The following MGA variants were observed in gnomAD, a reference collection of about 807,000 sequenced individuals.
MGA encodes MAX dimerization protein MGA, also known as MAX gene-associated protein.
In MGA, 40 loss-of-function variants were observed where a neutral mutation model predicts 261.1. That is an observed-to-expected ratio of 0.15 (90% CI 0.12 to 0.20). The LOEUF is 0.20. Among genes scored for constraint, MGA ranks in the 10% least tolerant of loss-of-function variants. MGA has a pLI of 1.00. For missense variants in MGA, 3,397 were observed against 3,630.5 expected (o/e 0.94, Z 1.65); for synonymous variants, 1,302 against 1,290.6 (o/e 1.01, Z -0.19).
intron 1 of MGA, among the ~76,000 whole-genome samples, chr15:41,642,263 T>C (rs1046885318): frequency 6.6e-6 from 1 of 152,056 alleles, no homozygotes; most frequent in African/African-American, 2.4e-5. Context: ...GAAATGTCTG[T>C]TCAAGTCCCT....
rs1323047023 is a variant in MGA at position 41,766,767 on chromosome 15, C to A, written c.8685C>A (p.Asp2895Glu). Residue 2895 changes from aspartate to glutamate, a missense_variant, in exon 24 of 24, where the codon GAC becomes GAA. Around this residue, in one of 9 missense-constraint regions of MGA, gnomAD observed 647 missense variants for 642.4 expected, o/e 1.01. Transcript: ENST00000219905. ...TGCCTGATGTTCAAGGGGAGAGTGA[C>A]TCTATCAGTCCCCTCCTCTTGCACT... 1 of 1,613,976 alleles carries A rather than the reference C, an allele frequency of 6.2e-7. No homozygotes were observed. Among genetic ancestry groups the A allele is most frequent in the Admixed American group, 1.7e-5 (1 of 60,016 alleles).
chr15:41,769,225 G>A lies in MGA; in HGVS notation c.*1945G>A, dbSNP rs2063940174. ...TCCCAAGACTCTCTTTGTGGCTTTT[G>A]AGGGTCAGCCAAGGAGCAGGCAAGT... On this transcript the variant is annotated 3_prime_UTR_variant, in exon 24 of 24. Coordinates refer to ENST00000219905, the MANE Select transcript of MGA (RefSeq NM_001164273.2). 6.6e-6 allele frequency: 1 copy of A among 151,822 alleles called. No individual in the cohort carries two copies. Among genetic ancestry groups the A allele is most frequent in the South Asian group, 2.1e-4 (1 of 4,798 alleles). 9.4% of individuals were successfully genotyped at this position (151,822 alleles called of 1,614,324 possible). A position where few individuals can be genotyped will look rare whatever the true frequency, so the allele number is the denominator to read the frequency against.
upstream of MGA, among the ~76,000 whole-genome samples, chr15:41,656,019 T>C (rs866646775): frequency 6.6e-6 from 1 of 152,160 alleles, no homozygotes; most frequent in African/African-American, 2.4e-5. Flanking sequence ...TGATCAGCAC[T>C]GGAATAGAGT....
chr15:41,722,121 AATT>A (rs1337604010), intron 9 of MGA, among the ~76,000 whole-genome samples: 9,274 of 121,596 alleles, frequency 0.076, 171 homozygotes, highest in Non-Finnish European at 0.11. Context: ...AAAGTAGGCC[AATT>A]TTTTTTTTTT....
intron 2 of MGA, among the ~76,000 whole-genome samples, chr15:41,675,209 C>G (rs557855235): frequency 2.0e-5 from 3 of 152,284 alleles, no homozygotes; most frequent in African/African-American, 7.2e-5. Flanking sequence ...GTAGACACTG[C>G]CAGAATTTTC....
At chr15:41,707,659 A>G in intron 5 of MGA, 69 bp from the exon 6 acceptor site, 1 of 1,446,822 alleles carries the variant, frequency 6.9e-7, no homozygotes, top group Non-Finnish European at 9.3e-7. Flanking sequence ...GCACAAGTTA[A>G]AAACAAAGAA....
intron 9 of MGA, 109 bp downstream of exon 9, chr15:41,713,605 C>CT: frequency 1.6e-6 from 2 of 1,267,122 alleles, no homozygotes; most frequent in Middle Eastern, 2.8e-4. Context: ...CCAATAAGAG[C>CT]TTTGAGACTT....
chr15:41,709,395 G>C (rs1476830345), intron 7 of MGA, among the ~76,000 whole-genome samples: 2 of 151,906 alleles, frequency 1.3e-5, no homozygotes, highest in Non-Finnish European at 2.9e-5. Flanking sequence ...CTCTTCTTGT[G>C]GTCTTCCTTT....
chr15:41,757,934 T>G, intron 19 of MGA, 95 bp downstream of exon 19: 1 of 1,049,214 alleles, frequency 9.5e-7, no homozygotes, highest in Admixed American at 2.1e-5. Context: ...TAGCCACGAT[T>G]TTTTCTCAGG....
chr15:41,747,089 A>G (rs1205101581), intron 15 of MGA, among the ~76,000 whole-genome samples: 1 of 151,998 alleles, frequency 6.6e-6, no homozygotes, highest in Non-Finnish European at 1.5e-5. Flanking sequence ...TGAAATCTCT[A>G]TTAATTCACA....
intron 1 of MGA, among the ~76,000 whole-genome samples, chr15:41,662,961 T>G (rs1298022034): frequency 6.6e-6 from 1 of 152,210 alleles, no homozygotes; most frequent in East Asian, 1.9e-4. Context: ...TGGTATTGAC[T>G]TGGAATTTTG....
At chr15:41,646,601 G>C (rs1373742569) in intron 1 of MGA, among the ~76,000 whole-genome samples, 4 of 151,934 alleles carry the variant, frequency 2.6e-5, no homozygotes, top group Non-Finnish European at 4.4e-5. Context: ...GGGATTACAG[G>C]TGTGAGCCAC....
At chr15:41,736,820 C>A in intron 13 of MGA, 122 bp downstream of exon 13, 2 of 1,130,212 alleles carry the variant, frequency 1.8e-6, no homozygotes, top group East Asian at 5.3e-5. Flanking sequence ...AACTGGGTGA[C>A]AAAATTATTA....
chr15:41,635,242 G>A (rs1193611481), intron 1 of MGA, among the ~76,000 whole-genome samples: 1 of 152,136 alleles, frequency 6.6e-6, no homozygotes, highest in Admixed American at 6.6e-5. Context: ...GCTGAGGCAC[G>A]AGAATTGCCT....
At position 41,742,655 on chromosome 15, in the gene MGA, A is replaced by C; in HGVS notation, c.4695A>C (p.Thr1565=). The change falls in exon 15 of 24, where the codon ACA becomes ACC. Residue 1565 remains threonine (T), a synonymous_variant. Coordinates refer to ENST00000219905, the MANE Select transcript of MGA (RefSeq NM_001164273.2). ...GCACACCCCAAACCCTGGCAGGGAC[A>C]CAGAAGTTCAGTATCAGACCTTCTC... 1 of 1,613,974 alleles carries C rather than the reference A, an allele frequency of 6.2e-7. No homozygotes were observed. The highest frequency in any genetic ancestry group is 8.5e-7 in the Non-Finnish European group (1 of 1,179,878).
intron 8 of MGA, 144 bp from the exon 9 acceptor site, chr15:41,713,006 TC>T: frequency 8.2e-7 from 1 of 1,218,674 alleles, no homozygotes; most frequent in Middle Eastern, 2.7e-4. Context: ...CTGGTTAGAT[TC>T]ATGTTCTGTC....
chr15:41,756,238 C>A (rs2063142028), intron 18 of MGA, among the ~76,000 whole-genome samples: 1 of 152,030 alleles, frequency 6.6e-6, no homozygotes, highest in Non-Finnish European at 1.5e-5. Flanking sequence ...AAAAAGATGA[C>A]CCAGTAGAAA....
rs537855106 is a variant in MGA, at chr15:41,704,220, T to G, written c.2189-3508T>G. ...AATGCTTTATTTTTCCTTAAAATAT[T>G]TTTTTTTAGAGATGGGGTCTCCCAG... On this transcript the variant is annotated intron_variant, in intron 5 of 23. Coordinates refer to ENST00000219905, the MANE Select transcript of MGA (RefSeq NM_001164273.2). Among the ~76,000 whole-genome samples the G allele has an allele frequency of 9.3e-4, 142 of 151,966 alleles. 1 individual carries two copies. Among genetic ancestry groups the G allele is most frequent in the Middle Eastern group, 3.4e-3 (1 of 294 alleles).
intron 1 of MGA, among the ~76,000 whole-genome samples, chr15:41,627,093 G>C (rs1371971081): frequency 6.6e-6 from 1 of 152,136 alleles, no homozygotes; most frequent in Non-Finnish European, 1.5e-5. Flanking sequence ...ATTTTTGGTA[G>C]AGATGGAGTT....
Sources: allele counts gnomAD v4.1 joint callset (sites outside exome capture counted in the v4.1 genomes callset), GRCh38; gene constraint gnomAD v4.1.1; regional missense constraint gnomAD v4.1.1; transcripts MANE v1.5; gene names NCBI Gene and HGNC (gene_info 2026-07-23, HGNC 2026-07-21).